Variants in KRT5 observed in about 807,000 individuals in gnomAD.
KRT5 encodes the protein keratin, type II cytoskeletal 5.
In KRT5, 17 loss-of-function variants were observed where a neutral mutation model predicts 44.0. That is an observed-to-expected ratio of 0.39 (90% CI 0.26 to 0.58). KRT5 has a LOEUF of 0.58. KRT5 is among the 20% of genes least tolerant of loss of function. The pLI is 0.61. For synonymous variants in KRT5, 329 were observed against 312.8 expected (o/e 1.05, Z -0.55); for missense variants, 737 against 785.5 (o/e 0.94, Z 0.74).
Position 52,520,267 on chromosome 12 carries a change from C to A in KRT5, c.30G>T (p.Arg10=). The change falls in exon 1 of 9, where the codon CGG becomes CGT. Residue 10 remains arginine, a synonymous_variant. Transcript: ENST00000252242. ...TGCTGAAGCTACGACTGCCCCCGCT[C>A]CGGAAGGACACACTTGACTGGCGAG... MSRQSSVSF[R]SGGSRSFSTA... The A allele has an allele frequency of 6.2e-7, 1 of 1,613,652 alleles. No individual in the cohort carries two copies. Among genetic ancestry groups the A allele is most frequent in the Non-Finnish European group, 8.5e-7 (1 of 1,180,048 alleles).
At chr12:52,519,464 C>G (rs1159768936) in intron 1 of KRT5, 3 of 625,632 alleles carry the variant, frequency 4.8e-6, no homozygotes, top group Admixed American at 2.8e-5. Flanking sequence ...CCTGTACAGT[C>G]AGCCCCTTTA....
At position 52,516,020 on chromosome 12, in the gene KRT5, T is replaced by C. The variant is rs530897727; in HGVS notation, c.1440-188A>G. ...ATTTTCCAATGAAGAGGGATTGACCTAGAAACAAGTTGTTAGGAAAGAATT... is the reference window on the plus strand; with the variant it reads ...ATTTTCCAATGAAGAGGGATTGACCCAGAAACAAGTTGTTAGGAAAGAATT... On this transcript the variant is annotated intron_variant, in intron 7 of 8. Coordinates refer to ENST00000252242, the MANE Select transcript of KRT5 (RefSeq NM_000424.4). 11 of 624,074 alleles carry C rather than the reference T, an allele frequency of 1.8e-5. No individual in the cohort carries two copies. In the East Asian group the frequency reaches 3.0e-4, roughly 17 times the overall value. The allele number at this position is 624,074 out of a possible 1,614,324, so 38.7% of individuals were successfully genotyped here.
At chr12:52,516,912 T>A in intron 6 of KRT5, 55 bp from the exon 7 acceptor site, 3 of 1,598,938 alleles carry the variant, frequency 1.9e-6, no homozygotes, top group Non-Finnish European at 2.6e-6. Flanking sequence ...TGTCTCCTTC[T>A]GAGTTTCTGG....
chr12:52,519,607 C>T (rs1938676158), intron 1 of KRT5, 135 bp downstream of exon 1: 6 of 995,330 alleles, frequency 6.0e-6, no homozygotes, highest in Non-Finnish European at 6.4e-6. Context: ...AAATCCAGGG[C>T]ACAGAAACAA....
At chr12:52,518,638 C>G (rs1938657569) in intron 2 of KRT5, 1 of 569,844 alleles carries the variant, frequency 1.8e-6, no homozygotes, top group African/African-American at 1.9e-5. Context: ...GGCCCATGTA[C>G]CGGGGAGGAA....
chr12:52,515,554 G>T, intron 8 of KRT5: 1 of 626,832 alleles, frequency 1.6e-6, no homozygotes, highest in Admixed American at 2.6e-5. Flanking sequence ...GGACAAGGCA[G>T]GGGACAGGGT....
At chr12:52,517,074 C>A (rs1938623269) in intron 6 of KRT5, 33 bp downstream of exon 6, 1 of 1,613,582 alleles carries the variant, frequency 6.2e-7, no homozygotes, top group Non-Finnish European at 8.5e-7. Context: ...AGAACTCAGG[C>A]CCCTTCCTTG....
At position 52,517,914 on chromosome 12, in the gene KRT5, T is replaced by C; in HGVS notation, c.910A>G (p.Lys304Glu). The C allele has an allele frequency of 6.2e-7, 1 of 1,614,200 alleles. No individual in the cohort carries two copies. The highest frequency in any genetic ancestry group is 1.1e-5 in the South Asian group (1 of 91,090). ...TTTCTTACCGCATCAAAGAACATCT[T>C]CATGAAGTTAATCTCATCCATCAGT... ...DALMDEINFMKMFFDAELSQM... is the reference protein window; with the variant it reads ...DALMDEINFMEMFFDAELSQM... Residue 304 changes from lysine to glutamate, a missense_variant, in exon 4 of 9, where the codon AAG becomes GAG. Coordinates refer to ENST00000252242, the MANE Select transcript of KRT5 (RefSeq NM_000424.4).
In KRT5 at chr12:52,517,954, C is replaced by G. The variant is rs1336931805; in HGVS notation, c.870G>C (p.Glu290Asp). The G allele has an allele frequency of 6.2e-7, 1 of 1,614,232 alleles. No homozygotes were observed. Among genetic ancestry groups the G allele is most frequent in the Admixed American group, 1.7e-5 (1 of 60,030 alleles). The change falls in exon 4 of 9, where the codon GAG (glutamate) becomes GAC (aspartate). Residue 290 changes from glutamate (E) to aspartate (D), a missense_variant. Transcript: ENST00000252242. ...CATCCATCAGTGCATCAACCTTGGCCTCCAGCTCCACCTTGTTCATGTAGG... is the reference window on the plus strand; with the variant it reads ...CATCCATCAGTGCATCAACCTTGGCGTCCAGCTCCACCTTGTTCATGTAGG... ...DAAYMNKVEL[E>D]AKVDALMDEI...
chr12:52,515,901 C>T, intron 7 of KRT5, 69 bp from the exon 8 acceptor site: 4 of 1,292,484 alleles, frequency 3.1e-6, no homozygotes, highest in Non-Finnish European at 4.5e-6. Flanking sequence ...ATGTGGCTAA[C>T]TCCCATCCTC....
rs1406802547 is a variant in KRT5 at position 52,518,967 on chromosome 12, A to G, written c.749T>C (p.Leu250Pro). Residue 250 changes from leucine to proline, a missense_variant, in exon 2 of 9, where the codon CTG (leucine) becomes CCG (proline). This residue lies in a region of KRT5 where 4 missense variants were observed against 17.7 expected (regional missense o/e 0.23). Transcript: ENST00000252242. ...LDSELRNMQD[L>P]VEDFKNKYED... ...TCACTTGTTCTTGAAGTCTTCCACCAGGTCCTGCATGTTTCTCAGCTCTGA... is the reference window on the plus strand; with the variant it reads ...TCACTTGTTCTTGAAGTCTTCCACCGGGTCCTGCATGTTTCTCAGCTCTGA... 11 of 1,614,046 alleles carry G rather than the reference A, an allele frequency of 6.8e-6. No individual in the cohort carries two copies. Among genetic ancestry groups the G allele is most frequent in the Non-Finnish European group, 9.3e-6 (11 of 1,180,036 alleles).
intron 6 of KRT5, 68 bp downstream of exon 6, chr12:52,517,029 GTAAAACAAAA>G (rs765038749): frequency 6.9e-6 from 11 of 1,592,110 alleles, no homozygotes; most frequent in Admixed American, 3.3e-5. Context: ...TTTAGCAAAA[GTAAAACAAAA>G]TAAAACAAAG....
At position 52,517,111 on chromosome 12, in the gene KRT5, T is replaced by C. The variant is rs746940114; in HGVS notation, c.1214A>G (p.Lys405Arg). 1.1e-5 allele frequency: 18 copies of C among 1,614,066 alleles called. No individual in the cohort carries two copies. Among genetic ancestry groups the C allele is most frequent in the Middle Eastern group, 3.3e-4 (2 of 6,084 alleles). ...CCTCTTTCAATCTCACCCTACCTGT[T>C]TCTTGACATTGTCAATCTCGGCTCT... ...RLRAEIDNVKKQCANLQNAIA... is the reference protein window; with the variant it reads ...RLRAEIDNVKRQCANLQNAIA... The change falls in exon 6 of 9, where the codon AAA (lysine) becomes AGA (arginine). Residue 405 changes from lysine to arginine, a missense_variant. Transcript: ENST00000252242.
chr12:52,517,883 G>A lies in KRT5; in HGVS notation c.927+14C>T, dbSNP rs749793889. ...AAAACCCACCCATGTGAAAAATTTA[G>A]ATAAGTTTCTTACCGCATCAAAGAA... On this transcript the variant is annotated intron_variant, in intron 4 of 8. Transcript: ENST00000252242. 1.9e-6 allele frequency: 3 copies of A among 1,613,214 alleles called. No homozygotes were observed. The highest frequency in any genetic ancestry group is 1.7e-6 in the Non-Finnish European group (2 of 1,179,102).
At chr12:52,518,610 G>T in intron 2 of KRT5, 1 of 560,586 alleles carries the variant, frequency 1.8e-6, no homozygotes, top group Non-Finnish European at 3.3e-6. Flanking sequence ...CTCCTGCTTT[G>T]AGACAAATCT....
intron 5 of KRT5, 127 bp from the exon 6 acceptor site, chr12:52,517,359 C>T (rs2120478406): frequency 8.3e-7 from 1 of 1,208,768 alleles, no homozygotes; most frequent in Non-Finnish European, 1.2e-6. Flanking sequence ...TTTTCCAAGG[C>T]TGAGCTAGTC....
chr12:52,516,777 G>A lies in KRT5; in HGVS notation c.1299C>T (p.Ala433=), dbSNP rs368040858. 2.0e-5 allele frequency: 33 copies of A among 1,614,044 alleles called. No individual in the cohort carries two copies. Among genetic ancestry groups the A allele is most frequent in the Non-Finnish European group, 2.2e-5 (26 of 1,180,054 alleles). ...CCTTCTGCAGGGCCTCCTCCAGCTC[G>A]GCCAGCTTGTTCCTGGCATCCTTGA... ...LALKDARNKL[A]ELEEALQKAK... The change falls in exon 7 of 9, where the codon GCC becomes GCT. Residue 433 remains alanine (A), a synonymous_variant. Coordinates refer to ENST00000252242, the MANE Select transcript of KRT5 (RefSeq NM_000424.4).
At chr12:52,518,496 TTA>T in intron 2 of KRT5, 1 of 573,844 alleles carries the variant, frequency 1.7e-6, no homozygotes. Flanking sequence ...TTCAGAGGCT[TTA>T]AAAAAAAAAA....
intron 8 of KRT5, 102 bp from the exon 9 acceptor site, chr12:52,515,342 C>A: frequency 6.6e-7 from 1 of 1,517,002 alleles, no homozygotes; most frequent in Non-Finnish European, 9.0e-7. Context: ...TACTGGACCC[C>A]CTTTACAGAG....
Sources: allele counts gnomAD v4.1 joint callset, GRCh38; gene constraint gnomAD v4.1.1; regional missense constraint gnomAD v4.1.1; transcripts MANE v1.5; gene names NCBI Gene and HGNC (gene_info 2026-07-23, HGNC 2026-07-21).